PCDH15: variants seen among roughly 807,000 people sequenced by gnomAD.
PCDH15 encodes protocadherin related 15.
Under a neutral mutation model 178.5 loss-of-function variants are expected in PCDH15, and 129 were observed. That is an observed-to-expected ratio of 0.72 (90% CI 0.63 to 0.84). The LOEUF (loss-of-function observed/expected upper bound fraction) is 0.84. Among genes scored for constraint, PCDH15 ranks in the 40% least tolerant of loss-of-function variants. The probability of loss-of-function intolerance (pLI) is 0.00; values close to 1 mark genes in which losing one functional copy is unlikely to be tolerated. For missense variants in PCDH15, 2,230 were observed against 2,099.9 expected (o/e 1.06, Z -1.21); for synonymous variants, 800 against 732.0 (o/e 1.09, Z -1.50).
chr10:54,697,333 C>A (rs532551679), intron 1 of PCDH15, among the ~76,000 whole-genome samples: 17 of 151,816 alleles, frequency 1.1e-4, no homozygotes, highest in African/African-American at 3.6e-4. Context: ...GTTCACATAT[C>A]ATGATCTTTT....
chr10:54,181,811 A>G (rs1356899931), intron 13 of PCDH15, among the ~76,000 whole-genome samples: 2 of 152,216 alleles, frequency 1.3e-5, no homozygotes, highest in African/African-American at 4.8e-5. Context: ...ATTTACACAT[A>G]GAATAAACAT....
intron 2 of PCDH15, among the ~76,000 whole-genome samples, chr10:55,107,517 A>C (rs1837384601): frequency 1.9e-5 from 2 of 103,714 alleles, no homozygotes; most frequent in African/African-American, 3.9e-5. Flanking sequence ...TTTGAGATGG[A>C]GCCTCGCCCT....
chr10:54,084,359 G>C (rs1415630923), intron 16 of PCDH15, among the ~76,000 whole-genome samples: 1 of 151,826 alleles, frequency 6.6e-6, no homozygotes, highest in Non-Finnish European at 1.5e-5. Context: ...TGTAGTCCCA[G>C]CTACTTGAGA....
intron 3 of PCDH15, among the ~76,000 whole-genome samples, chr10:54,836,327 C>G (rs1372912124): frequency 6.6e-6 from 1 of 152,070 alleles, no homozygotes; most frequent in East Asian, 1.9e-4. Flanking sequence ...TTGAGTGAAA[C>G]TTGTTTTTAG....
At chr10:55,627,418 A>T (rs747748249) in intron 2 of PCDH15, among the ~76,000 whole-genome samples, 15 of 152,010 alleles carry the variant, frequency 9.9e-5, no homozygotes, top group Non-Finnish European at 2.1e-4. Flanking sequence ...AAACACATAC[A>T]TGTAAGGAGC....
chr10:54,749,580 T>C (rs1945927540), intron 1 of PCDH15, among the ~76,000 whole-genome samples: 1 of 152,182 alleles, frequency 6.6e-6, no homozygotes, highest in African/African-American at 2.4e-5. Flanking sequence ...GTTCCATACA[T>C]ACTTTTTAGA....
At chr10:55,072,891 T>C (rs960314846) in intron 2 of PCDH15, among the ~76,000 whole-genome samples, 7 of 150,486 alleles carry the variant, frequency 4.7e-5, no homozygotes, top group Non-Finnish European at 8.9e-5. Flanking sequence ...ATCAAAAAGC[T>C]TATCCACCAT....
intron 2 of PCDH15, among the ~76,000 whole-genome samples, chr10:55,422,343 A>G (rs1373219255): frequency 6.6e-6 from 1 of 151,864 alleles, no homozygotes; most frequent in Non-Finnish European, 1.5e-5. Context: ...AGGAAAAGGC[A>G]CCATATTTTG....
chr10:54,183,534 C>T lies in PCDH15; in HGVS notation c.1500G>A (p.Met500Ile). ...AGGTTGGCGTGTTATCATTTGCATC[C>T]ATCACTTGAATATTGACGATGACTG... is the stretch of plus-strand genomic sequence containing the variant. ...SEPVIVNIQVMDANDNTPTFP... is the reference protein window; with the variant it reads ...SEPVIVNIQVIDANDNTPTFP... Residue 500 changes from methionine (M) to isoleucine (I), a missense_variant, in exon 13 of 38, where the codon ATG becomes ATA. Met to Ile is a conservative substitution (Grantham distance 10, BLOSUM62 1). Coordinates refer to ENST00000644397, the MANE Select transcript of PCDH15 (RefSeq NM_001384140.1). 6.2e-7 allele frequency: 1 copy of T among 1,613,900 alleles called. No homozygotes were observed.
chr10:54,081,333 ATACTAT>A (rs1460414400), intron 16 of PCDH15, among the ~76,000 whole-genome samples: 17 of 151,860 alleles, frequency 1.1e-4, no homozygotes, highest in African/African-American at 3.4e-4. Context: ...TACTCTATAT[ATACTAT>A]TTAGGATATA....
At chr10:55,581,852 T>G (rs1392446975) in intron 2 of PCDH15, among the ~76,000 whole-genome samples, 1 of 152,104 alleles carries the variant, frequency 6.6e-6, no homozygotes, top group Non-Finnish European at 1.5e-5. Flanking sequence ...AATTTTTTTT[T>G]GGAAGGAGGC....
At chr10:54,915,582 G>A (rs1434937297) in intron 2 of PCDH15, among the ~76,000 whole-genome samples, 1 of 152,076 alleles carries the variant, frequency 6.6e-6, no homozygotes, top group East Asian at 1.9e-4. Context: ...GTGACTGATA[G>A]GTGTGCACAG....
intron 3 of PCDH15, among the ~76,000 whole-genome samples, chr10:54,382,284 A>T (rs1414563157): frequency 3.3e-5 from 5 of 152,140 alleles, no homozygotes; most frequent in African/African-American, 1.2e-4. Context: ...ATAACTTTGC[A>T]GCTTCTTTTT....
At chr10:54,084,712 C>T (rs1041353244) in intron 16 of PCDH15, among the ~76,000 whole-genome samples, 7 of 152,044 alleles carry the variant, frequency 4.6e-5, no homozygotes, top group Non-Finnish European at 1.0e-4. Context: ...TTCAAAATTC[C>T]GTTATTAGGA....
intron 1 of PCDH15, among the ~76,000 whole-genome samples, chr10:54,707,289 G>C (rs2095374929): frequency 6.6e-6 from 1 of 152,106 alleles, no homozygotes; most frequent in South Asian, 2.1e-4. Context: ...AAAATGAGTA[G>C]TACATCATGC....
At chr10:53,849,221 CT>C (rs989525589) in intron 28 of PCDH15, among the ~76,000 whole-genome samples, 27 of 151,404 alleles carry the variant, frequency 1.8e-4, no homozygotes, top group African/African-American at 5.1e-4. Flanking sequence ...AGTTTTTAAT[CT>C]TTTTTTTTCT....
intron 2 of PCDH15, among the ~76,000 whole-genome samples, chr10:55,016,085 G>A (rs988408238): frequency 1.9e-5 from 2 of 106,466 alleles, no homozygotes; most frequent in Non-Finnish European, 3.5e-5. Flanking sequence ...CCACCTCAAT[G>A]ACCTTTTTTT....
intron 2 of PCDH15, among the ~76,000 whole-genome samples, chr10:55,519,023 A>AGCC (rs1015124529): frequency 6.8e-6 from 1 of 148,028 alleles, no homozygotes; most frequent in African/African-American, 2.5e-5. Context: ...GAACCAGGGA[A>AGCC]GCCGAGATTG....
At chr10:54,155,038 T>G (rs1183102663) in intron 13 of PCDH15, among the ~76,000 whole-genome samples, 2 of 152,202 alleles carry the variant, frequency 1.3e-5, no homozygotes, top group African/African-American at 4.8e-5. Flanking sequence ...CTTAAATCAC[T>G]TAAAATGTCT....
Sources: allele counts gnomAD v4.1 joint callset (sites outside exome capture counted in the v4.1 genomes callset), GRCh38; gene constraint gnomAD v4.1.1; transcripts MANE v1.5; gene names NCBI Gene and HGNC (gene_info 2026-07-23, HGNC 2026-07-21).